TXLNB: variants seen among roughly 807,000 people sequenced by gnomAD.
The protein encoded by TXLNB is taxilin beta, also known as beta-taxilin.
In TXLNB, 37 loss-of-function variants were observed where a neutral mutation model predicts 57.4. That is an observed-to-expected ratio of 0.64 (90% CI 0.50 to 0.85). TXLNB has a LOEUF of 0.85. Ranked by LOEUF, TXLNB falls within the 40% of genes least tolerant of loss-of-function variation. The pLI, the probability that TXLNB is intolerant of heterozygous loss-of-function variation, is 0.00. For synonymous variants in TXLNB, 302 were observed against 309.6 expected, an observed-to-expected ratio of 0.98 and a Z score of 0.26; for missense variants, 848 against 825.6, an observed-to-expected ratio of 1.03 and a Z score of -0.33.
At chr6:139,165,235 CTTTTATTTCTCATTTTA>C in the TXLNB span, among the ~76,000 whole-genome samples, 3 of 152,214 alleles carry the variant, frequency 2.0e-5, no homozygotes, top group Admixed American at 1.3e-4. Flanking sequence ...CATACATGTC[CTTTTATTTCTCATTTTA>C]AAAAAACAGA....
chr6:139,162,443 G>C, the TXLNB span, among the ~76,000 whole-genome samples: 3 of 152,196 alleles, frequency 2.0e-5, no homozygotes, highest in Non-Finnish European at 4.4e-5. Context: ...ACAAAGAGAA[G>C]TTAAGTAAGT....
chr6:139,304,512 G>T, the TXLNB span, among the ~76,000 whole-genome samples: 21,989 of 152,198 alleles, frequency 0.14, 1,992 homozygotes, highest in Middle Eastern at 0.26. Context: ...TAAAAGAAGG[G>T]CTCAAGAGGT....
chr6:139,292,637 T>C (rs1417672400), upstream of TXLNB, among the ~76,000 whole-genome samples: 1 of 152,208 alleles, frequency 6.6e-6, no homozygotes, highest in Admixed American at 6.5e-5. This position sits in a 1 kb window ranked among gnomAD's most constrained non-coding sequence, Gnocchi z 4.0. Flanking sequence ...TGGTGTGACC[T>C]TGGAGCACAG....
At chr6:139,211,582 TC>T in the TXLNB span, among the ~76,000 whole-genome samples, 1 of 152,078 alleles carries the variant, frequency 6.6e-6, no homozygotes, top group Admixed American at 6.6e-5. Flanking sequence ...CCTCTCCTCC[TC>T]CAAAGGAACG....
chr6:139,224,820 A>G, the TXLNB span, among the ~76,000 whole-genome samples: 1 of 152,184 alleles, frequency 6.6e-6, no homozygotes, highest in African/African-American at 2.4e-5. Context: ...CTAATCATAC[A>G]CAAACTTTTC....
the TXLNB span, among the ~76,000 whole-genome samples, chr6:139,211,294 C>T: frequency 2.6e-5 from 4 of 152,158 alleles, no homozygotes; most frequent in South Asian, 2.1e-4. Flanking sequence ...TCCAGAGGAA[C>T]GAACAGGCAG....
At chr6:139,198,471 C>A in the TXLNB span, among the ~76,000 whole-genome samples, 1 of 152,070 alleles carries the variant, frequency 6.6e-6, no homozygotes, top group African/African-American at 2.4e-5. Context: ...GCATCTCAGG[C>A]CGGGGTGCCT....
chr6:139,225,293 T>C, the TXLNB span, among the ~76,000 whole-genome samples: 2 of 152,100 alleles, frequency 1.3e-5, no homozygotes, highest in Non-Finnish European at 2.9e-5. Flanking sequence ...AGTATCACCA[T>C]AAACATTCAA....
chr6:139,243,054 T>G lies in TXLNB; in HGVS notation c.1527A>C (p.Ile509=), dbSNP rs889245541. Residue 509 remains isoleucine, a synonymous_variant, in exon 10 of 10, where the codon ATA becomes ATC. Coordinates refer to ENST00000358430, the MANE Select transcript of TXLNB (RefSeq NM_153235.4). ...AVKNLATAFM[I]IHHPESTPHQ... is the part of the protein sequence containing the mutation. ...GCGGGGTTGACTCTGGATGATGAATTATCATGAAGGCTGTGGCCAGATTTT... is the reference window on the plus strand; with the variant it reads ...GCGGGGTTGACTCTGGATGATGAATGATCATGAAGGCTGTGGCCAGATTTT... 4 of 1,614,002 alleles carry G rather than the reference T, an allele frequency of 2.5e-6. No individual in the cohort carries two copies. In the African/African-American group the frequency reaches 4.0e-5, roughly 16 times the overall value.
chr6:139,163,162 G>C, the TXLNB span, among the ~76,000 whole-genome samples: 4 of 152,286 alleles, frequency 2.6e-5, no homozygotes, highest in African/African-American at 7.2e-5. Flanking sequence ...CCCCCTAGGG[G>C]ATACCTGGCA....
At chr6:139,260,260 A>C in intron 6 of TXLNB, 58 bp downstream of exon 6, 1 of 1,553,716 alleles carries the variant, frequency 6.4e-7, no homozygotes, top group African/African-American at 1.4e-5. Context: ...CAACTTGCTC[A>C]GAGTGTCTCT....
chr6:139,238,282 T>G (rs145104865), downstream of TXLNB, among the ~76,000 whole-genome samples: 70 of 152,232 alleles, frequency 4.6e-4, 1 homozygote, highest in East Asian at 0.013. Flanking sequence ...TAATCCCAGC[T>G]ACTCAGGAGG....
chr6:139,225,894 A>G, the TXLNB span, among the ~76,000 whole-genome samples: 1 of 152,230 alleles, frequency 6.6e-6, no homozygotes, highest in Non-Finnish European at 1.5e-5. Context: ...CCAAAGCAGG[A>G]AGACTTACAT....
chr6:139,210,526 C>G, the TXLNB span, among the ~76,000 whole-genome samples: 8 of 152,342 alleles, frequency 5.3e-5, no homozygotes, highest in East Asian at 1.5e-3. Flanking sequence ...CGAATAGGAA[C>G]AGCTCCAGTC....
the TXLNB span, among the ~76,000 whole-genome samples, chr6:139,321,467 A>C: frequency 6.6e-6 from 1 of 151,212 alleles, no homozygotes; most frequent in African/African-American, 2.4e-5. Context: ...TAAGAAGTAC[A>C]TTTCAGTTGT....
At chr6:139,177,474 T>C in the TXLNB span, 2 of 161,940 alleles carry the variant, frequency 1.2e-5, no homozygotes, top group African/African-American at 2.4e-5. This position sits in a 1 kb window ranked among gnomAD's most constrained non-coding sequence, Gnocchi z 4.9. Context: ...GTTAACTTTC[T>C]AAAAACCTTC....
chr6:139,317,408 T>C, the TXLNB span, among the ~76,000 whole-genome samples: 1 of 152,098 alleles, frequency 6.6e-6, no homozygotes, highest in Non-Finnish European at 1.5e-5. Context: ...AGGTTTTTTT[T>C]TTTTTTATTG....
chr6:139,257,572 T>C (rs943650), intron 6 of TXLNB, among the ~76,000 whole-genome samples: 36,136 of 152,112 alleles, frequency 0.24, 4,608 homozygotes, highest in African/African-American at 0.31. Flanking sequence ...CAAGTCAGCA[T>C]GCTGTGGGCA....
chr6:139,174,738 G>A, the TXLNB span: 4 of 660,354 alleles, frequency 6.1e-6, no homozygotes, highest in Admixed American at 8.2e-5. Flanking sequence ...ATAATTATGT[G>A]GGAAGCATTT....
Sources: allele counts gnomAD v4.1 joint callset (sites outside exome capture counted in the v4.1 genomes callset), GRCh38; gene constraint gnomAD v4.1.1; non-coding constraint Gnocchi (gnomAD v3.1); transcripts MANE v1.5; gene names NCBI Gene and HGNC (gene_info 2026-07-23, HGNC 2026-07-21).